CDK8: variants seen among roughly 807,000 people sequenced by gnomAD.
The protein encoded by CDK8 is cyclin-dependent kinase 8.
A neutral mutation model predicts 71.5 loss-of-function variants in CDK8; 29 were observed. That is an observed-to-expected ratio of 0.41 (90% CI 0.30 to 0.55). CDK8 has a LOEUF of 0.55. Among genes scored for constraint, CDK8 ranks in the 20% least tolerant of loss-of-function variants. The pLI, the probability that CDK8 is intolerant of heterozygous loss-of-function variation, is 0.37. For missense variants in CDK8, 288 were observed against 572.6 expected, an observed-to-expected ratio of 0.50 and a Z score of 5.07; for synonymous variants, 161 against 192.1, an observed-to-expected ratio of 0.84 and a Z score of 1.34.
chr13:26,274,910 A>G (rs1304749000), intron 1 of CDK8, among the ~76,000 whole-genome samples: 1 of 152,140 alleles, frequency 6.6e-6, no homozygotes, highest in Non-Finnish European at 1.5e-5. Flanking sequence ...CCTTTTACTT[A>G]CATTTTCACC....
intron 4 of CDK8, among the ~76,000 whole-genome samples, chr13:26,368,238 G>C (rs950633780): frequency 6.6e-6 from 1 of 152,206 alleles, no homozygotes; most frequent in African/African-American, 2.4e-5. Flanking sequence ...TCTAATTCAG[G>C]CCACTTGGAT....
At chr13:26,319,337 C>T (rs1038733458) in intron 1 of CDK8, among the ~76,000 whole-genome samples, 3 of 151,824 alleles carry the variant, frequency 2.0e-5, no homozygotes, top group East Asian at 3.9e-4. Context: ...GGCGTGGTGG[C>T]GGATGCCTGT....
In CDK8 at chr13:26,282,852, A is replaced by T. The variant is rs144476834; in HGVS notation, c.128+28083A>T. ...AACACATAAGGACTCACATAAACTT[A>T]AGGTAAAAGGGTGGAAAAAGATATT... On this transcript the variant is annotated intron_variant, in intron 1 of 12. Transcript: ENST00000381527. Among the ~76,000 whole-genome samples, 675 of 110,728 alleles carry T rather than the reference A, an allele frequency of 6.1e-3. 4 individuals are homozygous for T. The highest frequency in any genetic ancestry group is 0.018 in the African/African-American group (637 of 35,314). 72.6% of individuals were successfully genotyped at this position (110,728 alleles called of 152,430 possible).
chr13:26,335,983 C>G (rs896573505), intron 1 of CDK8, among the ~76,000 whole-genome samples: 3 of 152,112 alleles, frequency 2.0e-5, no homozygotes, highest in Non-Finnish European at 4.4e-5. Context: ...TCTTGTTGTT[C>G]TTGGCATGAA....
chr13:26,352,113 AT>A (rs200435653), intron 3 of CDK8, among the ~76,000 whole-genome samples: 179 of 142,420 alleles, frequency 1.3e-3, no homozygotes, highest in South Asian at 6.8e-3. Flanking sequence ...CAGAGTTTTA[AT>A]TTTTTTTTTT....
intron 1 of CDK8, among the ~76,000 whole-genome samples, chr13:26,285,870 G>T (rs1049646474): frequency 2.0e-5 from 3 of 151,912 alleles, no homozygotes; most frequent in Non-Finnish European, 4.4e-5. Context: ...TCAAATCAAG[G>T]ACTAAAACCC....
At position 26,343,480 on chromosome 13, in the gene CDK8, T is replaced by C. The variant is rs76737285; in HGVS notation, c.205-5592T>C. 6.7e-3 allele frequency among the ~76,000 whole-genome samples: 1,028 copies of C among 152,330 alleles called. 5 individuals carry two copies. The highest frequency in any genetic ancestry group is 0.022 in the African/African-American group (932 of 41,580). On this transcript the variant is annotated intron_variant, in intron 2 of 12. Coordinates refer to ENST00000381527, the MANE Select transcript of CDK8 (RefSeq NM_001260.3). ...ATTCTTTATTCCTTTACTCTCTTAATAAACTTGCTTTCCCTTTTGTCTATG... is the reference window on the plus strand; with the variant it reads ...ATTCTTTATTCCTTTACTCTCTTAACAAACTTGCTTTCCCTTTTGTCTATG...
At chr13:26,349,394 A>G (rs1344831147) in intron 3 of CDK8, among the ~76,000 whole-genome samples, 1 of 152,254 alleles carries the variant, frequency 6.6e-6, no homozygotes, top group East Asian at 1.9e-4. Context: ...CAGATACTAA[A>G]GAAAACAATA....
chr13:26,300,063 A>T (rs567566679), intron 1 of CDK8, among the ~76,000 whole-genome samples: 42 of 152,272 alleles, frequency 2.8e-4, no homozygotes, highest in Admixed American at 1.6e-3. Context: ...AGTCAATGAG[A>T]TAAAGGAATC....
chr13:26,300,139 A>G (rs964236894), intron 1 of CDK8, among the ~76,000 whole-genome samples: 2 of 152,130 alleles, frequency 1.3e-5, no homozygotes. Flanking sequence ...CCAGAGTAAG[A>G]GGCATACCTC....
intron 2 of CDK8, among the ~76,000 whole-genome samples, chr13:26,346,961 C>G (rs1186575639): frequency 6.6e-6 from 1 of 152,176 alleles, no homozygotes; most frequent in African/African-American, 2.4e-5. Context: ...GTTTTAAGAT[C>G]TTGGTTTTCT....
chr13:26,332,612 T>C lies in CDK8; in HGVS notation c.129-4955T>C, dbSNP rs373428749. On this transcript the variant is annotated intron_variant, in intron 1 of 12. Coordinates refer to ENST00000381527, the MANE Select transcript of CDK8 (RefSeq NM_001260.3). ...GCTCTACCTAGGACTTCCAGTGCTATGTTGAATAAGAGTGGTGAAAGTGAG... is the reference window on the plus strand; with the variant it reads ...GCTCTACCTAGGACTTCCAGTGCTACGTTGAATAAGAGTGGTGAAAGTGAG... Among the ~76,000 whole-genome samples, 6 of 152,182 alleles carry C rather than the reference T, an allele frequency of 3.9e-5. No individual in the cohort carries two copies. In the East Asian group the frequency reaches 5.8e-4, roughly 15 times the overall value.
chr13:26,289,451 ATTG>A (rs1873192937), intron 1 of CDK8, among the ~76,000 whole-genome samples: 2 of 152,150 alleles, frequency 1.3e-5, no homozygotes, highest in African/African-American at 4.8e-5. Flanking sequence ...GTAAATTTAT[ATTG>A]TTTGTTACTT....
intron 1 of CDK8, among the ~76,000 whole-genome samples, chr13:26,300,916 G>A (rs28657049): frequency 0.064 from 9,787 of 152,204 alleles, 1,028 homozygotes; most frequent in African/African-American, 0.22. Flanking sequence ...GTAGGAAAGT[G>A]GGGGTGAGGA....
At chr13:26,361,784 C>CT (rs553508554) in intron 4 of CDK8, among the ~76,000 whole-genome samples, 2,593 of 63,346 alleles carry the variant, frequency 0.041, 440 homozygotes, top group Non-Finnish European at 0.054. Flanking sequence ...TTTCTTTTCC[C>CT]TTTTTTTTTT....
chr13:26,398,400 A>T (rs1056870451), intron 9 of CDK8, among the ~76,000 whole-genome samples: 5 of 152,168 alleles, frequency 3.3e-5, no homozygotes, highest in South Asian at 4.1e-4. Context: ...ATAGTCTAGG[A>T]TGACTCTGCC....
intron 2 of CDK8, among the ~76,000 whole-genome samples, chr13:26,342,163 T>G (rs568773891): frequency 2.8e-4 from 42 of 152,344 alleles, no homozygotes; most frequent in Middle Eastern, 3.4e-3. Context: ...TCCGCCCACC[T>G]CAGCCTCCCA....
intron 6 of CDK8, among the ~76,000 whole-genome samples, chr13:26,389,598 G>A (rs1008407510): frequency 1.3e-5 from 2 of 152,122 alleles, no homozygotes; most frequent in African/African-American, 2.4e-5. Flanking sequence ...CCACACCGTC[G>A]TCTGGTGTAC....
chr13:26,276,557 A>T (rs1238648988), intron 1 of CDK8, among the ~76,000 whole-genome samples: 1 of 152,130 alleles, frequency 6.6e-6, no homozygotes, highest in Non-Finnish European at 1.5e-5. Context: ...CATGTACTTT[A>T]ATATATTTTT....
Sources: allele counts gnomAD v4.1 joint callset (sites outside exome capture counted in the v4.1 genomes callset), GRCh38; gene constraint gnomAD v4.1.1; transcripts MANE v1.5; gene names NCBI Gene and HGNC (gene_info 2026-07-23, HGNC 2026-07-21).